BARHL1: variants seen among roughly 807,000 people sequenced by gnomAD.
BARHL1 encodes the protein barH-like 1 homeobox protein.
A neutral mutation model predicts 20.1 loss-of-function variants in BARHL1; 2 were observed. The ratio of observed to expected loss-of-function variants is 0.10; its 90% CI spans 0.04 to 0.31. The LOEUF is 0.31. Ranked by LOEUF, BARHL1 falls within the 10% of genes least tolerant of loss-of-function variation. The probability of loss-of-function intolerance (pLI) is 1.00; values close to 1 mark genes in which losing one functional copy is unlikely to be tolerated. For synonymous variants in BARHL1, 213 were observed against 209.9 expected, an observed-to-expected ratio of 1.01 and a Z score of -0.13; for missense variants, 397 against 454.0, an observed-to-expected ratio of 0.87 and a Z score of 1.14.
chr9:132,583,049 A>G lies in BARHL1; in HGVS notation c.252A>G (p.Ser84=), dbSNP rs139167917. ...CCCACCTGCAGCCCGGGCAGCTCTC[A>G]GCCCCGGCCCAGTCGCGCACCGTCA... ...LDSHLQPGQL[S]APAQSRTVTS... is the part of the protein sequence containing the mutation. The change falls in exon 1 of 3, where the codon TCA becomes TCG. Residue 84 remains serine, a synonymous_variant. Coordinates refer to ENST00000263610, the MANE Select transcript of BARHL1 (RefSeq NM_020064.4). 357 of 1,613,850 alleles carry G rather than the reference A, an allele frequency of 2.2e-4. No homozygotes were observed. In the African/African-American group the frequency reaches 4.3e-3, roughly 20 times the overall value.
chr9:132,587,683 G>C lies in BARHL1; in HGVS notation c.689+132G>C, dbSNP rs1830158466. The C allele has an allele frequency of 2.3e-6, 2 of 869,806 alleles. No homozygotes were observed. Among genetic ancestry groups the C allele is most frequent in the Non-Finnish European group, 3.5e-6 (2 of 569,932 alleles). 53.9% of individuals were successfully genotyped at this position (869,806 alleles called of 1,614,324 possible). A position where few individuals can be genotyped will look rare whatever the true frequency, so the allele number is the denominator to read the frequency against. On this transcript the variant is annotated intron_variant, in intron 2 of 2. Coordinates refer to ENST00000263610, the MANE Select transcript of BARHL1 (RefSeq NM_020064.4). The surrounding 1 kb of genome is among the most constrained non-coding windows in gnomAD (Gnocchi z 5.5). ...AGCCTCCCCCATTCTGTAAAAGTGG[G>C]AAACTGAGTCCCTAAGGGGACAAGG...
intron 1 of BARHL1, among the ~76,000 whole-genome samples, chr9:132,585,718 T>C (rs1299039474): frequency 6.6e-6 from 1 of 152,092 alleles, no homozygotes; most frequent in Non-Finnish European, 1.5e-5. Flanking sequence ...GAACCTGCAT[T>C]CAAAGGCTCC....
At chr9:132,584,772 G>T (rs1830120201) in intron 1 of BARHL1, among the ~76,000 whole-genome samples, 1 of 152,204 alleles carries the variant, frequency 6.6e-6, no homozygotes, top group African/African-American at 2.4e-5. Context: ...GTGTCCCCAG[G>T]CCCGGGCCCA....
At chr9:132,584,163 AAG>A (rs1564260262) in intron 1 of BARHL1, among the ~76,000 whole-genome samples, 6 of 144,734 alleles carry the variant, frequency 4.1e-5, no homozygotes, top group African/African-American at 1.6e-4. Context: ...GGAAGGAAGG[AAG>A]GAAGGGAAAG....
intron 1 of BARHL1, among the ~76,000 whole-genome samples, chr9:132,585,005 C>CTGGA (rs1830123171): frequency 6.6e-6 from 1 of 152,232 alleles, no homozygotes; most frequent in South Asian, 2.1e-4. Context: ...ATGGCTGGAA[C>CTGGA]TGGAGATAGT....
At position 132,587,639 on chromosome 9, in the gene BARHL1, T is replaced by A; in HGVS notation, c.689+88T>A. 7.6e-7 allele frequency: 1 copy of A among 1,321,272 alleles called. No individual in the cohort carries two copies. 81.8% of individuals were successfully genotyped at this position (1,321,272 alleles called of 1,614,324 possible). On this transcript the variant is annotated intron_variant, in intron 2 of 2. Transcript: ENST00000263610. The surrounding 1 kb of genome is among the most constrained non-coding windows in gnomAD (Gnocchi z 5.5). ...AGGGGACCAGGAGTCTACAGGTTGG[T>A]GCTAAGGGAGGGCCCCAGAGCCTCC...
chr9:132,589,215 T>C lies in BARHL1; in HGVS notation c.690-13T>C. On this transcript the variant is annotated splice_polypyrimidine_tract_variant and intron_variant, in intron 2 of 2. Transcript: ENST00000263610. ...GCCCTGATCCCGCCATACGCGTTTA[T>C]TTCGGCCCCCAGGACTAAATGGAAG... 1 of 1,603,530 alleles carries C rather than the reference T, an allele frequency of 6.2e-7. No homozygotes were observed. Among genetic ancestry groups the C allele is most frequent in the Non-Finnish European group, 8.5e-7 (1 of 1,175,186 alleles).
intron 1 of BARHL1, among the ~76,000 whole-genome samples, chr9:132,586,685 G>A (rs1830147441): frequency 6.6e-6 from 1 of 152,272 alleles, no homozygotes; most frequent in South Asian, 2.1e-4. Context: ...CTCGGCGCTC[G>A]CAGACCCGGA....
chr9:132,589,135 C>T, intron 2 of BARHL1, 93 bp from the exon 3 acceptor site: 2 of 1,511,046 alleles, frequency 1.3e-6, no homozygotes, highest in East Asian at 2.3e-5. Context: ...CTTGGCCTCC[C>T]TACAGGCTCT....
intron 1 of BARHL1, 152 bp downstream of exon 1, chr9:132,583,415 C>G: frequency 1.4e-6 from 1 of 697,644 alleles, no homozygotes; most frequent in Admixed American, 2.9e-5. Context: ...ACATTTCAGC[C>G]AGTCCTGTGG....
In BARHL1 at chr9:132,589,242, G is replaced by T. The variant is rs1830180174; in HGVS notation, c.704G>T (p.Arg235Leu). The T allele has an allele frequency of 6.2e-7, 1 of 1,611,958 alleles. No individual in the cohort carries two copies. Among genetic ancestry groups the T allele is most frequent in the Non-Finnish European group, 8.5e-7 (1 of 1,179,282 alleles). Residue 235 changes from arginine (R) to leucine (L), a missense_variant, in exon 3 of 3, where the codon CGA becomes CTA. By Grantham distance (102) the Arg-to-Leu change is moderately radical. This residue lies in a region of BARHL1 where 121 missense variants were observed against 135.9 expected (regional missense o/e 0.89). Transcript: ENST00000263610. ...TCGGCCCCCAGGACTAAATGGAAGC[G>T]ACAGACGGCCGTCGGGTTGGAGCTG... ...WYQNRRTKWKRQTAVGLELLA... is the reference protein window; with the variant it reads ...WYQNRRTKWKLQTAVGLELLA...
In BARHL1 at chr9:132,589,480, C is replaced by A. The variant is rs1379704048; in HGVS notation, c.942C>A (p.Pro314=). 1.3e-6 allele frequency: 2 copies of A among 1,491,620 alleles called. No homozygotes were observed. The highest frequency in any genetic ancestry group is 2.9e-5 in the African/African-American group (2 of 68,536). 92.4% of individuals were successfully genotyped at this position (1,491,620 alleles called of 1,614,324 possible). A position where few individuals can be genotyped will look rare whatever the true frequency, so the allele number is the denominator to read the frequency against. Residue 314 remains proline, a synonymous_variant, in exon 3 of 3, where the codon CCC becomes CCA. Transcript: ENST00000263610. ...CCAGCGAGCCGCCCCCGCCGCTGCC[C>A]CCCCTGGCCGGCGTCCTCCCACGCG... ...QGASEPPPPL[P]PLAGVLPRAA...
chr9:132,582,729 C>A lies in BARHL1; in HGVS notation c.-69C>A, dbSNP rs1589936606. 2.9e-6 allele frequency: 4 copies of A among 1,360,788 alleles called. No individual in the cohort carries two copies. The East Asian group carries it at 7.2e-5, about 25-fold the overall frequency. The allele number at this position is 1,360,788 out of a possible 1,614,324, so 84.3% of individuals were successfully genotyped here. A position where few individuals can be genotyped will look rare whatever the true frequency, so the allele number is the denominator to read the frequency against. ...CCCCATGCCAGCCCGCAGCTAGGGG[C>A]AGGGGCAGCGGCGGCTGGGGTTGGG... On this transcript the variant is annotated 5_prime_UTR_variant, in exon 1 of 3. Coordinates refer to ENST00000263610, the MANE Select transcript of BARHL1 (RefSeq NM_020064.4).
Position 132,583,010 on chromosome 9 carries a change from C to A in BARHL1, c.213C>A (p.Gly71=). The A allele has an allele frequency of 1.2e-6, 2 of 1,613,794 alleles. No homozygotes were observed. Among genetic ancestry groups the A allele is most frequent in the Non-Finnish European group, 1.7e-6 (2 of 1,179,950 alleles). ...CCCCACGGCCTGGCGGGGCATCCGG[C>A]CCAGGTTTGGACTCCCACCTGCAGC... ...TGTPRPGGAS[G]PGLDSHLQPG... is the part of the protein sequence containing the mutation. The change falls in exon 1 of 3, where the codon GGC becomes GGA. Residue 71 remains glycine, a synonymous_variant. Transcript: ENST00000263610.
rs1221431321 is a variant in BARHL1 at position 132,589,662 on chromosome 9, C to A, written c.*140C>A. On this transcript the variant is annotated 3_prime_UTR_variant, in exon 3 of 3. Transcript: ENST00000263610. ...CCCTGGCGCCCCAGCCCAGTGCCCC[C>A]CGAAGGGCCAAATGCCAAGTCCACT... 2.6e-6 allele frequency: 3 copies of A among 1,149,530 alleles called. No individual in the cohort carries two copies. Among genetic ancestry groups the A allele is most frequent in the African/African-American group, 3.2e-5 (2 of 61,700 alleles). The allele number at this position is 1,149,530 out of a possible 1,614,324, so 71.2% of individuals were successfully genotyped here.
At position 132,587,237 on chromosome 9, in the gene BARHL1, G is replaced by T; in HGVS notation, c.467-92G>T. 8.1e-7 allele frequency: 1 copy of T among 1,240,906 alleles called. No homozygotes were observed. Among genetic ancestry groups the T allele is most frequent in the Non-Finnish European group, 1.1e-6 (1 of 893,378 alleles). The allele number at this position is 1,240,906 out of a possible 1,614,324, so 76.9% of individuals were successfully genotyped here. On this transcript the variant is annotated intron_variant, in intron 1 of 2. Transcript: ENST00000263610. The surrounding 1 kb of genome is among the most constrained non-coding windows in gnomAD (Gnocchi z 5.5). ...GGGTGTCGCGGAACCACCGCTGTCGGAAGCCGAGGTTACACAAACGCCACG... is the reference window on the plus strand; with the variant it reads ...GGGTGTCGCGGAACCACCGCTGTCGTAAGCCGAGGTTACACAAACGCCACG...
In BARHL1 at chr9:132,589,483, C is replaced by A. The variant is rs550911455; in HGVS notation, c.945C>A (p.Pro315=). The A allele has an allele frequency of 3.3e-4, 496 of 1,482,200 alleles. No individual in the cohort carries two copies. Among genetic ancestry groups the A allele is most frequent in the Admixed American group, 6.0e-4 (24 of 40,136 alleles). The allele number at this position is 1,482,200 out of a possible 1,614,324, so 91.8% of individuals were successfully genotyped here. The change falls in exon 3 of 3, where the codon CCC becomes CCA. Residue 315 remains proline, a synonymous_variant. Coordinates refer to ENST00000263610, the MANE Select transcript of BARHL1 (RefSeq NM_020064.4). ...GASEPPPPLP[P]LAGVLPRAAQ... Reference sequence around the variant, plus strand: ...GCGAGCCGCCCCCGCCGCTGCCCCCCCTGGCCGGCGTCCTCCCACGCGCCG... The same window carrying A: ...GCGAGCCGCCCCCGCCGCTGCCCCCACTGGCCGGCGTCCTCCCACGCGCCG...
chr9:132,584,998 G>A (rs1830123019), intron 1 of BARHL1, among the ~76,000 whole-genome samples: 1 of 152,232 alleles, frequency 6.6e-6, no homozygotes. Context: ...CATGCTAATG[G>A]CTGGAACTGG....
intron 2 of BARHL1, 55 bp from the exon 3 acceptor site, chr9:132,589,173 G>A (rs2119136590): frequency 6.5e-7 from 1 of 1,545,900 alleles, no homozygotes; most frequent in Admixed American, 1.9e-5. Flanking sequence ...GAGGGGCTGG[G>A]GTCGCTGGAT....
Sources: allele counts gnomAD v4.1 joint callset (sites outside exome capture counted in the v4.1 genomes callset), GRCh38; gene constraint gnomAD v4.1.1; regional missense constraint gnomAD v4.1.1; non-coding constraint Gnocchi (gnomAD v3.1); transcripts MANE v1.5; gene names NCBI Gene and HGNC (gene_info 2026-07-23, HGNC 2026-07-21).